The following OXR1 variants were observed in gnomAD, a reference collection of about 807,000 sequenced individuals.
OXR1 encodes oxidation resistance 1, also known as oxidation resistance protein 1.
In OXR1, 41 loss-of-function variants were observed where a neutral mutation model predicts 104.6. The observed-to-expected ratio is 0.39, with a 90% CI of 0.31 to 0.51. The LOEUF is 0.51. Ranked by LOEUF, OXR1 falls within the 20% of genes least tolerant of loss-of-function variation. The pLI is 0.77. For synonymous variants in OXR1, 348 were observed against 348.4 expected (o/e 1.00, Z 0.01); for missense variants, 955 against 1,031.9 (o/e 0.93, Z 1.02).
At chr8:106,665,610 A>G (rs758025419) in intron 3 of OXR1, among the ~76,000 whole-genome samples, 1 of 152,198 alleles carries the variant, frequency 6.6e-6, no homozygotes, top group Non-Finnish European at 1.5e-5. Context: ...AAGGGAAAGT[A>G]GGTTTTTATA....
At chr8:106,548,625 G>C (rs1304285131) in intron 3 of OXR1, among the ~76,000 whole-genome samples, 1 of 152,086 alleles carries the variant, frequency 6.6e-6, no homozygotes, top group African/African-American at 2.4e-5. Flanking sequence ...ACACTCTCTT[G>C]CTCAACAATA....
At chr8:106,517,927 G>C (rs921218062) in intron 2 of OXR1, among the ~76,000 whole-genome samples, 1 of 152,202 alleles carries the variant, frequency 6.6e-6, no homozygotes, top group East Asian at 1.9e-4. Flanking sequence ...CAGTTCAATA[G>C]AAGCTAATTG....
chr8:106,438,307 A>T (rs10216339), intron 2 of OXR1, among the ~76,000 whole-genome samples: 34,391 of 152,026 alleles, frequency 0.23, 5,405 homozygotes, highest in African/African-American at 0.42. Context: ...ACCTATGTTA[A>T]AATGCAAAAC....
chr8:106,387,008 A>C (rs1261568366), intron 2 of OXR1, among the ~76,000 whole-genome samples: 1 of 152,230 alleles, frequency 6.6e-6, no homozygotes, highest in Non-Finnish European at 1.5e-5. Flanking sequence ...CAGCAATGGC[A>C]AATAAACACC....
chr8:106,311,176 G>A (rs1813684029), intron 1 of OXR1, among the ~76,000 whole-genome samples: 1 of 151,706 alleles, frequency 6.6e-6, no homozygotes, highest in South Asian at 2.1e-4. Context: ...TCCTTTATGG[G>A]ATGAGTTATT....
intron 7 of OXR1, among the ~76,000 whole-genome samples, chr8:106,694,685 A>G (rs1392592916): frequency 1.8e-5 from 2 of 112,000 alleles, no homozygotes; most frequent in African/African-American, 3.7e-5. Context: ...TATTTAATAT[A>G]TAAATATATG....
chr8:106,521,448 G>T (rs947519221), intron 3 of OXR1, among the ~76,000 whole-genome samples: 1 of 152,120 alleles, frequency 6.6e-6, no homozygotes, highest in African/African-American at 2.4e-5. Flanking sequence ...ATGTTCTCTT[G>T]TGACCCGTCA....
chr8:106,335,705 A>G (rs1297132784), intron 1 of OXR1, among the ~76,000 whole-genome samples: 1 of 152,212 alleles, frequency 6.6e-6, no homozygotes, highest in Non-Finnish European at 1.5e-5. Context: ...CTGGGTCAAT[A>G]GTTAAAACTA....
At chr8:106,398,368 G>T (rs74926113) in intron 2 of OXR1, among the ~76,000 whole-genome samples, 3,316 of 152,196 alleles carry the variant, frequency 0.022, 53 homozygotes, top group East Asian at 0.07. Context: ...GGGCATCAGA[G>T]TGTTTAAAAG....
intron 2 of OXR1, among the ~76,000 whole-genome samples, chr8:106,413,870 C>T (rs1230903875): frequency 6.6e-6 from 1 of 151,754 alleles, no homozygotes. Context: ...ATTACAGGCA[C>T]CTGCCACCAT....
chr8:106,540,106 G>T (rs922400740), intron 3 of OXR1, among the ~76,000 whole-genome samples: 1 of 152,070 alleles, frequency 6.6e-6, no homozygotes, highest in Non-Finnish European at 1.5e-5. Flanking sequence ...AGCAATTTGG[G>T]TAAAAAAGAT....
chr8:106,698,325 C>G (rs948426439), intron 7 of OXR1, among the ~76,000 whole-genome samples: 5 of 152,080 alleles, frequency 3.3e-5, no homozygotes. Context: ...TTAAGATGTT[C>G]TATTTATCAC....
intron 2 of OXR1, among the ~76,000 whole-genome samples, chr8:106,457,414 T>A (rs1327898512): frequency 1.3e-5 from 2 of 152,192 alleles, no homozygotes; most frequent in Non-Finnish European, 2.9e-5. Context: ...TATTTCCTCT[T>A]TAAATTACCC....
intron 1 of OXR1, among the ~76,000 whole-genome samples, chr8:106,329,181 G>A (rs911093591): frequency 6.6e-6 from 1 of 151,226 alleles, no homozygotes. Flanking sequence ...TAGTAAAGAC[G>A]GGGTTTCACC....
intron 3 of OXR1, among the ~76,000 whole-genome samples, chr8:106,597,899 A>G (rs1819652516): frequency 6.6e-6 from 1 of 152,040 alleles, no homozygotes; most frequent in South Asian, 2.1e-4. Flanking sequence ...TCCTTTCACT[A>G]TTTGCTAAGC....
At chr8:106,299,392 G>A (rs16874309) in intron 1 of OXR1, among the ~76,000 whole-genome samples, 13,175 of 152,046 alleles carry the variant, frequency 0.087, 656 homozygotes, top group African/African-American at 0.13. Context: ...GAATAGTAAT[G>A]CAAGCTGCTA....
intron 1 of OXR1, among the ~76,000 whole-genome samples, chr8:106,298,433 C>A (rs1302111134): frequency 6.6e-6 from 1 of 152,110 alleles, no homozygotes; most frequent in Non-Finnish European, 1.5e-5. Flanking sequence ...AAAACCCGTC[C>A]CCATGATTCA....
intron 11 of OXR1, among the ~76,000 whole-genome samples, chr8:106,728,591 G>T (rs964371823): frequency 1.3e-5 from 2 of 152,166 alleles, no homozygotes; most frequent in African/African-American, 2.4e-5. Flanking sequence ...TAGCTTCGAT[G>T]AGAACCATAT....
At chr8:106,698,066 A>G (rs878945029) in intron 7 of OXR1, 3 of 1,268,088 alleles carry the variant, frequency 2.4e-6, no homozygotes, top group African/African-American at 1.5e-5. Flanking sequence ...GGAGAGCGGC[A>G]CACTCACTCA....
Sources: gnomAD v4.1 joint callset for allele counts (sites outside exome capture counted in the v4.1 genomes callset) on GRCh38, gnomAD v4.1.1 for gene constraint, MANE v1.5 for transcripts, NCBI Gene and HGNC (gene_info 2026-07-23, HGNC 2026-07-21) for gene names.